Variants in PDE2A observed in about 807,000 individuals in gnomAD.
PDE2A encodes the protein cGMP-dependent 3',5'-cyclic phosphodiesterase.
Under a neutral mutation model 133.6 loss-of-function variants are expected in PDE2A, and 53 were observed. That is an observed-to-expected ratio of 0.40 (90% CI 0.32 to 0.50). The LOEUF (loss-of-function observed/expected upper bound fraction) is 0.50. Among genes scored for constraint, PDE2A ranks in the 20% least tolerant of loss-of-function variants. PDE2A has a pLI of 0.73. For missense variants in PDE2A, 796 were observed against 1,232.4 expected, an observed-to-expected ratio of 0.65 and a Z score of 5.30; for synonymous variants, 491 against 490.2, an observed-to-expected ratio of 1.00 and a Z score of -0.02.
At position 72,636,705 on chromosome 11, in the gene PDE2A, A is replaced by G. The variant is rs1591112782; in HGVS notation, c.144+5549T>C. 1.3e-5 allele frequency among the ~76,000 whole-genome samples: 2 copies of G among 151,400 alleles called. 1 individual carries two copies. Among genetic ancestry groups the G allele is most frequent in the Non-Finnish European group, 2.9e-5 (2 of 67,826 alleles). ...CGTCTACAGCTGTCCAGCTCCCTCC[A>G]CCAGCCCTGGCCACTCCGTCCCCTC... is the stretch of plus-strand genomic sequence containing the variant. On this transcript the variant is annotated intron_variant, in intron 2 of 30. Coordinates refer to ENST00000334456, the MANE Select transcript of PDE2A (RefSeq NM_002599.5).
chr11:72,579,976 C>T (rs1040538737), intron 25 of PDE2A: 1 of 233,380 alleles, frequency 4.3e-6, no homozygotes, highest in African/African-American at 2.2e-5. Flanking sequence ...GAGGCAAGGG[C>T]AAGGCCCCCA....
At chr11:72,662,343 A>G (rs1855090408) in intron 1 of PDE2A, among the ~76,000 whole-genome samples, 2 of 152,176 alleles carry the variant, frequency 1.3e-5, no homozygotes, top group South Asian at 2.1e-4. Context: ...TCCCAGCACC[A>G]TAAGGGGGCT....
At chr11:72,627,268 C>T (rs776370124) in intron 2 of PDE2A, among the ~76,000 whole-genome samples, 5 of 152,222 alleles carry the variant, frequency 3.3e-5, no homozygotes, top group Non-Finnish European at 5.9e-5. Context: ...TGGGTGTTTA[C>T]AACCCCATGG....
At chr11:72,641,964 C>A (rs1374298976) in intron 2 of PDE2A, among the ~76,000 whole-genome samples, 1 of 152,210 alleles carries the variant, frequency 6.6e-6, no homozygotes, top group African/African-American at 2.4e-5. Context: ...AAAGGGAATT[C>A]GAGGCTTGGG....
Position 72,578,778 on chromosome 11 carries a change from C to G in PDE2A, c.2469+119G>C, listed in dbSNP as rs1264757331. 1 of 700,506 alleles carries G rather than the reference C, an allele frequency of 1.4e-6. No homozygotes were observed. The highest frequency in any genetic ancestry group is 2.7e-5 in the East Asian group (1 of 37,318). The allele number at this position is 700,506 out of a possible 1,614,324, so 43.4% of individuals were successfully genotyped here. A position where few individuals can be genotyped will look rare whatever the true frequency, so the allele number is the denominator to read the frequency against. ...TGTCACCCTGAGATGGTCTAGGTTTCTGTCTCCCCAGAACACAGCCAGGCT... is the reference window on the plus strand; with the variant it reads ...TGTCACCCTGAGATGGTCTAGGTTTGTGTCTCCCCAGAACACAGCCAGGCT... On this transcript the variant is annotated intron_variant, in intron 28 of 30. Transcript: ENST00000334456. The surrounding 1 kb of genome is among the most constrained non-coding windows in gnomAD (Gnocchi z 4.2).
At position 72,589,930 on chromosome 11, in the gene PDE2A, C is replaced by T; in HGVS notation, c.808G>A (p.Asp270Asn). Residue 270 changes from aspartate to asparagine, a missense_variant, in exon 10 of 31, where the codon GAC becomes AAC. Asp to Asn is a conservative substitution (Grantham distance 23, BLOSUM62 1). Coordinates refer to ENST00000334456, the MANE Select transcript of PDE2A (RefSeq NM_002599.5). ...SRCCLLLVSE[D>N]NLQLSCKVIG... ...ACCTTGCAAGAAAGCTGGAGATTGT[C>T]CTCCGACACCAGCAGGAGGCAGCAG... 6.2e-7 allele frequency: 1 copy of T among 1,613,258 alleles called. No individual in the cohort carries two copies. Among genetic ancestry groups the T allele is most frequent in the Non-Finnish European group, 8.5e-7 (1 of 1,179,804 alleles).
intron 2 of PDE2A, among the ~76,000 whole-genome samples, chr11:72,630,795 C>T (rs1051985927): frequency 6.6e-6 from 1 of 151,732 alleles, no homozygotes; most frequent in South Asian, 2.1e-4. Context: ...AGAGAATCAA[C>T]GGGAATTGTT....
At chr11:72,640,673 C>G (rs571992492) in intron 2 of PDE2A, among the ~76,000 whole-genome samples, 1 of 152,312 alleles carries the variant, frequency 6.6e-6, no homozygotes, top group Admixed American at 6.5e-5. Context: ...TCCTCTCTGA[C>G]AAGACACCCA....
At chr11:72,613,034 G>C (rs75010274) in intron 2 of PDE2A, among the ~76,000 whole-genome samples, 4,513 of 152,220 alleles carry the variant, frequency 0.03, 219 homozygotes, top group African/African-American at 0.1. Context: ...AGAGACCTTG[G>C]TCTTATCCCC....
chr11:72,648,203 C>G (rs1859181296), intron 1 of PDE2A, among the ~76,000 whole-genome samples: 1 of 152,170 alleles, frequency 6.6e-6, no homozygotes, highest in Non-Finnish European at 1.5e-5. Context: ...ATCTTTGGGC[C>G]TGGTGCCTGG....
intron 6 of PDE2A, among the ~76,000 whole-genome samples, chr11:72,594,891 G>A (rs544841372): frequency 6.6e-6 from 1 of 152,258 alleles, no homozygotes; most frequent in African/African-American, 2.4e-5. Flanking sequence ...CTGGCCTGTG[G>A]TGGGGAGGGT....
intron 1 of PDE2A, among the ~76,000 whole-genome samples, chr11:72,643,824 C>T (rs755795722): frequency 2.6e-5 from 4 of 152,248 alleles, no homozygotes; most frequent in Non-Finnish European, 5.9e-5. Flanking sequence ...GGGGGCAGCC[C>T]TCCATGCCAG....
In PDE2A at chr11:72,611,173, G is replaced by A. The variant is rs753679666; in HGVS notation, c.145-2422C>T. 6.8e-4 allele frequency among the ~76,000 whole-genome samples: 104 copies of A among 152,186 alleles called. 4 individuals are homozygous for A. Among genetic ancestry groups the A allele is most frequent in the South Asian group, 4.1e-4 (2 of 4,836 alleles). Reference sequence around the variant, plus strand: ...CTTGGGGAAGAGAGACCCAGGTGACGGAGTGAGCCTGATACAGGGGGAGAA... The same window carrying A: ...CTTGGGGAAGAGAGACCCAGGTGACAGAGTGAGCCTGATACAGGGGGAGAA... On this transcript the variant is annotated intron_variant, in intron 2 of 30. Coordinates refer to ENST00000334456, the MANE Select transcript of PDE2A (RefSeq NM_002599.5).
intron 6 of PDE2A, among the ~76,000 whole-genome samples, chr11:72,595,606 G>T (rs114917536): frequency 6.6e-6 from 1 of 152,014 alleles, no homozygotes; most frequent in South Asian, 2.1e-4. Context: ...CCTGGGAAGC[G>T]TTTAATTCCA....
chr11:72,601,001 C>G (rs886385568), intron 4 of PDE2A, among the ~76,000 whole-genome samples: 5 of 151,424 alleles, frequency 3.3e-5, no homozygotes, highest in Non-Finnish European at 7.4e-5. Context: ...TCTCTGAGCC[C>G]CTGTGTGTGT....
Position 72,656,177 on chromosome 11 carries a change from C to A in PDE2A, c.72-13851G>T, listed in dbSNP as rs1395640390. 2.6e-5 allele frequency among the ~76,000 whole-genome samples: 4 copies of A among 152,204 alleles called. No individual in the cohort carries two copies. The East Asian group carries it at 7.7e-4, about 29-fold the overall frequency. On this transcript the variant is annotated intron_variant, in intron 1 of 30. Coordinates refer to ENST00000334456, the MANE Select transcript of PDE2A (RefSeq NM_002599.5). ...AGAGCCACGAGGGGGGCCATGTAGA[C>A]AAGCTGAGGGCCAGACGCTAGGCCC...
rs756971922 is a variant in PDE2A, at chr11:72,589,979, C to A, written c.759G>T (p.Leu253=). 5 of 1,611,470 alleles carry A rather than the reference C, an allele frequency of 3.1e-6. No individual in the cohort carries two copies. Among genetic ancestry groups the A allele is most frequent in the African/African-American group, 1.3e-5 (1 of 74,886 alleles). ...AGCGGGATGCCCGGGTCTCCTGCTG[C>A]AGCTGAGAGAGGGACAGGCAGGGCG... ...SSLQLKVLQY[L]QQETRASRCC... is the part of the protein sequence containing the mutation. The change falls in exon 10 of 31, where the codon CTG becomes CTT. Residue 253 remains leucine (L), a splice_region_variant and synonymous_variant. Coordinates refer to ENST00000334456, the MANE Select transcript of PDE2A (RefSeq NM_002599.5).
chr11:72,588,078 C>G (rs972406537), intron 13 of PDE2A: 2 of 152,390 alleles, frequency 1.3e-5, no homozygotes, highest in African/African-American at 4.8e-5. Flanking sequence ...ACAGCACAAA[C>G]TGCTCATCCT....
intron 1 of PDE2A, among the ~76,000 whole-genome samples, chr11:72,644,980 C>T (rs374498903): frequency 6.6e-6 from 1 of 152,184 alleles, no homozygotes; most frequent in African/African-American, 2.4e-5. Flanking sequence ...TGGTCTCGAT[C>T]TCTTGACCTC....
Sources: allele counts gnomAD v4.1 joint callset (sites outside exome capture counted in the v4.1 genomes callset), GRCh38; gene constraint gnomAD v4.1.1; non-coding constraint Gnocchi (gnomAD v3.1); transcripts MANE v1.5; gene names NCBI Gene and HGNC (gene_info 2026-07-23, HGNC 2026-07-21).